KHDRBS2: variants seen among roughly 807,000 people sequenced by gnomAD.
The protein encoded by KHDRBS2 is KH domain-containing, RNA-binding, signal transduction-associated protein 2.
A neutral mutation model predicts 44.3 loss-of-function variants in KHDRBS2; 26 were observed. The observed-to-expected ratio is 0.59, with a 90% CI of 0.43 to 0.81. The LOEUF is 0.81. KHDRBS2 is among the 40% of genes least tolerant of loss of function. KHDRBS2 has a pLI of 0.00. For synonymous variants in KHDRBS2, 194 were observed against 151.1 expected (o/e 1.28, Z -2.08); for missense variants, 476 against 433.1 (o/e 1.10, Z -0.88).
At chr6:62,268,025 T>C (rs943022374) in intron 1 of KHDRBS2, among the ~76,000 whole-genome samples, 9 of 152,096 alleles carry the variant, frequency 5.9e-5, no homozygotes, top group Non-Finnish European at 1.2e-4. Flanking sequence ...TTTTCTTTTC[T>C]CATAAATTTC....
chr6:61,866,960 A>C (rs1797888847), intron 6 of KHDRBS2, among the ~76,000 whole-genome samples: 1 of 152,186 alleles, frequency 6.6e-6, no homozygotes, highest in Non-Finnish European at 1.5e-5. Flanking sequence ...ACAAGTCTCT[A>C]GAAAGTTCCA....
the KHDRBS2 span, among the ~76,000 whole-genome samples, chr6:61,624,465 C>A: frequency 1.3e-5 from 2 of 152,168 alleles, no homozygotes; most frequent in Admixed American, 6.5e-5. Context: ...ACTTTTATTA[C>A]GAGTAGGGGT....
At chr6:62,209,031 A>G (rs574583443) in intron 1 of KHDRBS2, among the ~76,000 whole-genome samples, 165 of 152,328 alleles carry the variant, frequency 1.1e-3, no homozygotes, top group African/African-American at 3.5e-3. Context: ...AAGCTTCTGC[A>G]CAACAAAGGA....
chr6:61,798,052 T>C (rs1785660291), intron 6 of KHDRBS2, among the ~76,000 whole-genome samples: 1 of 152,034 alleles, frequency 6.6e-6, no homozygotes, highest in African/African-American at 2.4e-5. Flanking sequence ...TGGATATCTA[T>C]TGTTACCATC....
intron 2 of KHDRBS2, among the ~76,000 whole-genome samples, chr6:62,135,957 T>C (rs1811429842): frequency 6.6e-6 from 1 of 151,904 alleles, no homozygotes; most frequent in South Asian, 2.1e-4. Flanking sequence ...TTATCTCAGA[T>C]GAATAAATTT....
intron 2 of KHDRBS2, among the ~76,000 whole-genome samples, chr6:62,133,661 T>C (rs1346057547): frequency 6.6e-6 from 1 of 152,118 alleles, no homozygotes; most frequent in Non-Finnish European, 1.5e-5. Context: ...GATAGGACAA[T>C]GTGGGAAAGT....
rs534111261 is a variant in KHDRBS2 at position 62,215,559 on chromosome 6, TA to T, written c.92-38248del. The stretch of plus-strand genomic sequence containing the variant: ...GTGAAGATGCCAGCCCCAACCACAA[TA>T]AAAAAATACGCCTTTTAAAAATAAT... On this transcript the variant is annotated intron_variant, in intron 1 of 8. Transcript: ENST00000281156. Among the ~76,000 whole-genome samples the T allele has an allele frequency of 6.1e-4, 93 of 151,732 alleles. 2 individuals are homozygous for T. In the South Asian group the frequency reaches 0.018, roughly 29 times the overall value.
intron 1 of KHDRBS2, among the ~76,000 whole-genome samples, chr6:62,246,124 A>ATATATATATC (rs1554500943): frequency 3.6e-4 from 52 of 145,306 alleles, no homozygotes; most frequent in African/African-American, 1.3e-3. Context: ...ATATATATAT[A>ATATATATATC]TATATATATA....
chr6:61,644,466 T>G, the KHDRBS2 span, among the ~76,000 whole-genome samples: 1 of 152,098 alleles, frequency 6.6e-6, no homozygotes, highest in African/African-American at 2.4e-5. Flanking sequence ...GGAATCTAAT[T>G]AAACTTAAGA....
intron 2 of KHDRBS2, among the ~76,000 whole-genome samples, chr6:62,158,350 T>C (rs1351430344): frequency 1.3e-5 from 2 of 152,178 alleles, no homozygotes; most frequent in African/African-American, 4.8e-5. Context: ...ACATAAATGT[T>C]CATGTATTCC....
chr6:62,108,900 A>C (rs949983134), intron 2 of KHDRBS2, among the ~76,000 whole-genome samples: 4 of 152,140 alleles, frequency 2.6e-5, no homozygotes, highest in African/African-American at 9.7e-5. Flanking sequence ...GAACAATGAG[A>C]ACACATGGAC....
chr6:61,724,538 C>G (rs1773230223), intron 7 of KHDRBS2, among the ~76,000 whole-genome samples: 2 of 152,118 alleles, frequency 1.3e-5, no homozygotes, highest in South Asian at 4.1e-4. Flanking sequence ...AGAGCCTAGA[C>G]CCATAGGTAT....
At chr6:61,581,019 TTAAATC>T in the KHDRBS2 span, among the ~76,000 whole-genome samples, 2 of 152,164 alleles carry the variant, frequency 1.3e-5, no homozygotes, top group African/African-American at 2.4e-5. Flanking sequence ...GGTAAGCACT[TTAAATC>T]TACGTTATCA....
At chr6:62,142,802 C>A (rs1381900411) in intron 2 of KHDRBS2, among the ~76,000 whole-genome samples, 2 of 150,722 alleles carry the variant, frequency 1.3e-5, no homozygotes, top group Admixed American at 1.3e-4. Context: ...CAAAATATAT[C>A]CAGAAAACAT....
intron 7 of KHDRBS2, among the ~76,000 whole-genome samples, chr6:61,706,480 G>T (rs1225211818): frequency 1.3e-5 from 2 of 151,754 alleles, no homozygotes; most frequent in Non-Finnish European, 2.9e-5. Flanking sequence ...GAGAGATTTA[G>T]ATAAGAAGAC....
chr6:62,110,833 T>C (rs929050632), intron 2 of KHDRBS2, among the ~76,000 whole-genome samples: 1 of 152,058 alleles, frequency 6.6e-6, no homozygotes, highest in Non-Finnish European at 1.5e-5. Context: ...TGCAAATATG[T>C]AAAATCTTAC....
chr6:62,262,837 T>C (rs1265588684), intron 1 of KHDRBS2, among the ~76,000 whole-genome samples: 1 of 151,744 alleles, frequency 6.6e-6, no homozygotes, highest in African/African-American at 2.4e-5. Flanking sequence ...AAAACAAATT[T>C]CATAGAAAAA....
chr6:61,719,978 T>G (rs1292767397), intron 7 of KHDRBS2, among the ~76,000 whole-genome samples: 1 of 152,038 alleles, frequency 6.6e-6, no homozygotes, highest in African/African-American at 2.4e-5. Context: ...CCTTCCTGTG[T>G]CCATGTGTTC....
At chr6:61,889,468 C>T (rs1223476276) in intron 6 of KHDRBS2, among the ~76,000 whole-genome samples, 1 of 152,180 alleles carries the variant, frequency 6.6e-6, no homozygotes, top group Non-Finnish European at 1.5e-5. Flanking sequence ...ACCTTTACTT[C>T]ATAAACACAT....
Sources: allele counts gnomAD v4.1 joint callset (sites outside exome capture counted in the v4.1 genomes callset), GRCh38; gene constraint gnomAD v4.1.1; transcripts MANE v1.5; gene names NCBI Gene and HGNC (gene_info 2026-07-23, HGNC 2026-07-21).